Variants in RFTN1 observed in about 807,000 individuals in gnomAD.
RFTN1 encodes the protein raftlin, lipid raft linker 1.
In RFTN1, 26 loss-of-function variants were observed where a neutral mutation model predicts 46.5. The observed-to-expected ratio is 0.56, with a 90% CI of 0.41 to 0.78. The LOEUF (loss-of-function observed/expected upper bound fraction) is 0.78, where lower values mean the gene tolerates loss of function less well. RFTN1 is among the 30% of genes least tolerant of loss of function. RFTN1 has a pLI of 0.00. For synonymous variants in RFTN1, 261 were observed against 284.2 expected, an observed-to-expected ratio of 0.92 and a Z score of 0.82; for missense variants, 693 against 718.7, an observed-to-expected ratio of 0.96 and a Z score of 0.41.
Position 16,335,561 on chromosome 3 carries a change from G to A in RFTN1, c.1147-8685C>T, listed in dbSNP as rs1429264992. On this transcript the variant is annotated intron_variant, in intron 7 of 9. Transcript: ENST00000334133. This position sits in a 1 kb window ranked among gnomAD's most constrained non-coding sequence, Gnocchi z 4.7. ...TCACTTACAAGTGGGAGAGCTGAAC[G>A]GTGAAAACACATGTGAAAACACATG... Among the ~76,000 whole-genome samples, 4 of 152,130 alleles carry A rather than the reference G, an allele frequency of 2.6e-5. No individual in the cohort carries two copies. Among genetic ancestry groups the A allele is most frequent in the African/African-American group, 9.7e-5 (4 of 41,420 alleles).
At chr3:16,372,000 T>C (rs1230487131) in intron 5 of RFTN1, among the ~76,000 whole-genome samples, 1 of 152,126 alleles carries the variant, frequency 6.6e-6, no homozygotes, top group Non-Finnish European at 1.5e-5. Context: ...ATTGGGTGTT[T>C]TCCAGTCCTG....
Position 16,448,060 on chromosome 3 carries a change from G to A in RFTN1, c.146-14023C>T, listed in dbSNP as rs2075763604. 6.6e-6 allele frequency among the ~76,000 whole-genome samples: 1 copy of A among 151,614 alleles called. No homozygotes were observed. Among genetic ancestry groups the A allele is most frequent in the Non-Finnish European group, 1.5e-5 (1 of 67,944 alleles). ...GTGGCTATCGAGCATCTGAAATGTG[G>A]CCAGTGTGATTGAGATGTGCCCAAA... On this transcript the variant is annotated intron_variant, in intron 2 of 9. Coordinates refer to ENST00000334133, the MANE Select transcript of RFTN1 (RefSeq NM_015150.2). This position sits in a 1 kb window ranked among gnomAD's most constrained non-coding sequence, Gnocchi z 4.1.
chr3:16,451,530 A>G lies in RFTN1; in HGVS notation c.146-17493T>C, dbSNP rs1283279905. The stretch of plus-strand genomic sequence containing the variant: ...AAATATTATATGAATACAAACTAAA[A>G]TAGAGTGGTCCCCTCTTCTCCACAG... On this transcript the variant is annotated intron_variant, in intron 2 of 9. Coordinates refer to ENST00000334133, the MANE Select transcript of RFTN1 (RefSeq NM_015150.2). This position sits in a 1 kb window ranked among gnomAD's most constrained non-coding sequence, Gnocchi z 4.2. 5.3e-5 allele frequency among the ~76,000 whole-genome samples: 8 copies of G among 152,210 alleles called. No homozygotes were observed. Among genetic ancestry groups the G allele is most frequent in the Admixed American group, 1.3e-4 (2 of 15,290 alleles).
chr3:16,329,547 G>A lies in RFTN1; in HGVS notation c.1147-2671C>T, dbSNP rs940183997. 5.9e-5 allele frequency among the ~76,000 whole-genome samples: 9 copies of A among 152,048 alleles called. No homozygotes were observed. Among genetic ancestry groups the A allele is most frequent in the African/African-American group, 1.4e-4 (6 of 41,396 alleles). On this transcript the variant is annotated intron_variant, in intron 7 of 9. Transcript: ENST00000334133. This position sits in a 1 kb window ranked among gnomAD's most constrained non-coding sequence, Gnocchi z 4.5. ...CTTTCTGCCTGGCCTCTGGGCACAC[G>A]CACACCTCCCTTCCAGACCAGCACA... is the stretch of plus-strand genomic sequence containing the variant.
chr3:16,463,663 A>G (rs1002237846), intron 2 of RFTN1, among the ~76,000 whole-genome samples: 1 of 152,070 alleles, frequency 6.6e-6, no homozygotes, highest in African/African-American at 2.4e-5. Flanking sequence ...TTCACTCTGG[A>G]TCATCTGTGA....
At position 16,393,664 on chromosome 3, in the gene RFTN1, AT is replaced by A. The variant is rs4035508; in HGVS notation, c.442-15563del. Among the ~76,000 whole-genome samples the A allele has an allele frequency of 5.1e-4, 74 of 145,786 alleles. No individual in the cohort carries two copies. In the East Asian group the frequency reaches 5.9e-3, roughly 12 times the overall value. On this transcript the variant is annotated intron_variant, in intron 4 of 9. Coordinates refer to ENST00000334133, the MANE Select transcript of RFTN1 (RefSeq NM_015150.2). Reference sequence around the variant, plus strand: ...TAAGCTGATGGACTTTTTTTTTTTAATTTTTTTTTTTTCAGATGGAGTCTTG... The same window carrying A: ...TAAGCTGATGGACTTTTTTTTTTTAATTTTTTTTTTTCAGATGGAGTCTTG...
Position 16,378,062 on chromosome 3 carries a change from A to C in RFTN1, c.482T>G (p.Val161Gly). 6.2e-7 allele frequency: 1 copy of C among 1,612,148 alleles called. No homozygotes were observed. Among genetic ancestry groups the C allele is most frequent in the Non-Finnish European group, 8.5e-7 (1 of 1,178,180 alleles). ...CACAGAGGAATGGTACTGAGGTATA[A>C]CACCAACGAATTTCAGGCCCTGGCT... is the stretch of plus-strand genomic sequence containing the variant. ...AASQGLKFVG[V>G]IPQYHSSVNS... The change falls in exon 5 of 10, where the codon GTT (valine) becomes GGT (glycine). Residue 161 changes from valine (V) to glycine (G), a missense_variant. Transcript: ENST00000334133.
rs953283695 is a variant in RFTN1 at position 16,381,830 on chromosome 3, A to G, written c.442-3728T>C. Among the ~76,000 whole-genome samples, 1 of 152,170 alleles carries G rather than the reference A, an allele frequency of 6.6e-6. No homozygotes were observed. Among genetic ancestry groups the G allele is most frequent in the African/African-American group, 2.4e-5 (1 of 41,440 alleles). On this transcript the variant is annotated intron_variant, in intron 4 of 9. Coordinates refer to ENST00000334133, the MANE Select transcript of RFTN1 (RefSeq NM_015150.2). The surrounding 1 kb of genome is among the most constrained non-coding windows in gnomAD (Gnocchi z 4.2). ...CTAGACATGACAAGGACCGGATCAC[A>G]TATGGCCTTGGATCCATGCCCGCAA...
At position 16,458,734 on chromosome 3, in the gene RFTN1, T is replaced by C. The variant is rs767263202; in HGVS notation, c.146-24697A>G. Reference sequence around the variant, plus strand: ...AGAAGCCAAATAATTCTCAAAACCATAATGCTTTCCATAAACTTCAGTTCC... The same window carrying C: ...AGAAGCCAAATAATTCTCAAAACCACAATGCTTTCCATAAACTTCAGTTCC... On this transcript the variant is annotated intron_variant, in intron 2 of 9. Coordinates refer to ENST00000334133, the MANE Select transcript of RFTN1 (RefSeq NM_015150.2). The surrounding 1 kb of genome is among the most constrained non-coding windows in gnomAD (Gnocchi z 5.1). Among the ~76,000 whole-genome samples the C allele has an allele frequency of 5.5e-4, 84 of 152,300 alleles. No homozygotes were observed. The Middle Eastern group carries it at 0.014, about 25-fold the overall frequency.
rs1243540396 is a variant in RFTN1, at chr3:16,344,372, A to G, written c.1146+13560T>C. Among the ~76,000 whole-genome samples the G allele has an allele frequency of 6.6e-6, 1 of 152,120 alleles. No individual in the cohort carries two copies. The highest frequency in any genetic ancestry group is 1.5e-5 in the Non-Finnish European group (1 of 68,018). ...AGTAGGATGCTTCCTATAGGCATCA[A>G]CTATAATCTAATTTAGAAACAACAT... On this transcript the variant is annotated intron_variant, in intron 7 of 9. Coordinates refer to ENST00000334133, the MANE Select transcript of RFTN1 (RefSeq NM_015150.2). The surrounding 1 kb of genome is among the most constrained non-coding windows in gnomAD (Gnocchi z 4.4).
At chr3:16,318,295 T>C (rs2068657733) in intron 9 of RFTN1, among the ~76,000 whole-genome samples, 1 of 152,198 alleles carries the variant, frequency 6.6e-6, no homozygotes, top group Admixed American at 6.5e-5. Flanking sequence ...CTTCAGCTGT[T>C]ATCTCATTGG....
At chr3:16,488,224 C>G (rs531268091) in intron 2 of RFTN1, among the ~76,000 whole-genome samples, 2 of 151,996 alleles carry the variant, frequency 1.3e-5, no homozygotes, top group African/African-American at 4.8e-5. Context: ...CTCAGCGTCC[C>G]GAGTAGCTGG....
intron 4 of RFTN1, among the ~76,000 whole-genome samples, chr3:16,388,780 A>C (rs1250815327): frequency 6.6e-6 from 1 of 152,224 alleles, no homozygotes; most frequent in Non-Finnish European, 1.5e-5. Flanking sequence ...TGTTTCACAA[A>C]GGCACTAAGA....
At chr3:16,378,728 G>A (rs1165748475) in intron 4 of RFTN1, among the ~76,000 whole-genome samples, 2 of 152,094 alleles carry the variant, frequency 1.3e-5, no homozygotes, top group Non-Finnish European at 2.9e-5. Flanking sequence ...CTTAGGGAAG[G>A]TCAAAGGAGC....
At position 16,426,560 on chromosome 3, in the gene RFTN1, A is replaced by G. The variant is rs1043167689; in HGVS notation, c.332+7291T>C. 3.3e-5 allele frequency among the ~76,000 whole-genome samples: 5 copies of G among 152,106 alleles called. No homozygotes were observed. Among genetic ancestry groups the G allele is most frequent in the African/African-American group, 9.7e-5 (4 of 41,432 alleles). On this transcript the variant is annotated intron_variant, in intron 3 of 9. Transcript: ENST00000334133. The surrounding 1 kb of genome is among the most constrained non-coding windows in gnomAD (Gnocchi z 5.9). ...GGTCCGCAAAGATTTCCTTTCTTTG[A>G]AGGCCATCCTTTGAATGTCTTTTAA...
chr3:16,341,615 TA>T lies in RFTN1; in HGVS notation c.1147-14740del, dbSNP rs1245776810. On this transcript the variant is annotated intron_variant, in intron 7 of 9. Transcript: ENST00000334133. This position sits in a 1 kb window ranked among gnomAD's most constrained non-coding sequence, Gnocchi z 4.7. ...ATGAACCTAAAACTACTCTAAAATA[TA>T]AAGTTTATTTTTCTAAAAAAAAGTA... Among the ~76,000 whole-genome samples the T allele has an allele frequency of 6.6e-6, 1 of 152,144 alleles. No individual in the cohort carries two copies. The highest frequency in any genetic ancestry group is 6.5e-5 in the Admixed American group (1 of 15,276).
intron 3 of RFTN1, among the ~76,000 whole-genome samples, chr3:16,419,506 C>G (rs1022634702): frequency 1.3e-5 from 2 of 152,082 alleles, no homozygotes; most frequent in Non-Finnish European, 2.9e-5. Flanking sequence ...TATTTCTTGT[C>G]CCTGCAATTG....
intron 2 of RFTN1, among the ~76,000 whole-genome samples, chr3:16,435,612 G>A (rs1053718170): frequency 6.6e-6 from 1 of 152,120 alleles, no homozygotes; most frequent in African/African-American, 2.4e-5. Context: ...CTTTTCTTAA[G>A]AGACCATTTC....
intron 4 of RFTN1, among the ~76,000 whole-genome samples, chr3:16,408,510 C>G (rs1003751260): frequency 2.7e-5 from 4 of 150,138 alleles, no homozygotes; most frequent in African/African-American, 7.4e-5. Context: ...AGATAAGCAT[C>G]AAGCAGTGAA....
Sources: gnomAD v4.1 joint callset for allele counts (sites outside exome capture counted in the v4.1 genomes callset) on GRCh38, gnomAD v4.1.1 for gene constraint, Gnocchi (gnomAD v3.1) non-coding constraint, MANE v1.5 for transcripts, NCBI Gene and HGNC (gene_info 2026-07-23, HGNC 2026-07-21) for gene names.